CFAP70: variants seen among roughly 807,000 people sequenced by gnomAD.
CFAP70 encodes cilia- and flagella-associated protein 70.
A neutral mutation model predicts 137.6 loss-of-function variants in CFAP70; 81 were observed. That is an observed-to-expected ratio of 0.59 (90% CI 0.49 to 0.71). CFAP70 has a LOEUF of 0.71. CFAP70 is among the 30% of genes least tolerant of loss of function. The probability of loss-of-function intolerance (pLI) is 0.00; values close to 1 mark genes in which losing one functional copy is unlikely to be tolerated. For missense variants in CFAP70, 976 were observed against 1,226.7 expected (o/e 0.80, Z 3.05); for synonymous variants, 382 against 423.6 (o/e 0.90, Z 1.20).
At chr10:73,338,142 GAT>G in intron 6 of CFAP70, among the ~76,000 whole-genome samples, 1 of 139,764 alleles carries the variant, frequency 7.2e-6, no homozygotes, top group Non-Finnish European at 1.5e-5. Context: ...TATATATGCG[GAT>G]TTTTTTTTTT....
intron 25 of CFAP70, among the ~76,000 whole-genome samples, chr10:73,269,215 C>T (rs540124921): frequency 6.6e-6 from 1 of 152,072 alleles, no homozygotes; most frequent in Admixed American, 6.5e-5. Flanking sequence ...ATAGGTAAAG[C>T]ACCTATCATG....
intron 7 of CFAP70, 117 bp from the exon 9 acceptor site, chr10:73,331,393 T>C: frequency 1.1e-6 from 1 of 870,036 alleles, no homozygotes; most frequent in Non-Finnish European, 1.7e-6. Flanking sequence ...ATATAAAAAT[T>C]GGGGGGCTCG....
Position 73,272,342 on chromosome 10 carries a change from C to CAAATAAAT in CFAP70, c.2925+578_2925+585dup, listed in dbSNP as rs146457367. 7.3e-5 allele frequency among the ~76,000 whole-genome samples: 11 copies of CAAATAAAT among 151,622 alleles called. No homozygotes were observed. The East Asian group carries it at 1.6e-3, about 22-fold the overall frequency. Reference sequence around the variant, plus strand: ...TGGGAGACAGAGCGAGACTCCATCTCAAATAAATAAATAAATAAATAAATA... The same window carrying CAAATAAAT: ...TGGGAGACAGAGCGAGACTCCATCTCAAATAAATAAATAAATAAATAAATAAATAAATA... On this transcript the variant is annotated intron_variant, in intron 24 of 26. Transcript: ENST00000310715.
rs189044938 is a variant in CFAP70 at position 73,322,351 on chromosome 10, C to T, written c.912+612G>A. Reference sequence around the variant, plus strand: ...TTTATCAATATAGATAAATTATTTTCCCAGAATTGCATATAAATGTAATTA... The same window carrying T: ...TTTATCAATATAGATAAATTATTTTTCCAGAATTGCATATAAATGTAATTA... On this transcript the variant is annotated intron_variant, in intron 9 of 26. Coordinates refer to ENST00000310715, the Ensembl canonical transcript of CFAP70. 1.8e-3 allele frequency among the ~76,000 whole-genome samples: 278 copies of T among 152,112 alleles called. 2 individuals are homozygous for T. The highest frequency in any genetic ancestry group is 6.8e-3 in the Middle Eastern group (2 of 294).
intron 15 of CFAP70, chr10:73,293,644 A>G: frequency 3.2e-6 from 1 of 315,982 alleles, no homozygotes; most frequent in Non-Finnish European, 5.8e-6. Flanking sequence ...TGCTTAGGGC[A>G]GAAATAACTG....
chr10:73,347,199 T>A (rs1056353918), intron 4 of CFAP70, among the ~76,000 whole-genome samples: 8 of 152,144 alleles, frequency 5.3e-5, no homozygotes, highest in African/African-American at 1.9e-4. Context: ...GCCTCCATTA[T>A]AAAGGATGCT....
intron 8 of CFAP70, among the ~76,000 whole-genome samples, chr10:73,325,859 G>C (rs563811257): frequency 6.6e-6 from 1 of 152,212 alleles, no homozygotes; most frequent in South Asian, 2.1e-4. Flanking sequence ...GACCTACAAA[G>C]AGACTTAGAC....
At chr10:73,281,298 C>T (rs1005692831) in intron 19 of CFAP70, among the ~76,000 whole-genome samples, 9 of 151,788 alleles carry the variant, frequency 5.9e-5, no homozygotes, top group South Asian at 4.2e-4. Flanking sequence ...GATCCTCCCA[C>T]GTGAGCCTCC....
At chr10:73,353,209 T>C (rs2054413308) in intron 3 of CFAP70, among the ~76,000 whole-genome samples, 1 of 152,178 alleles carries the variant, frequency 6.6e-6, no homozygotes. Context: ...GGTCCATACT[T>C]TCTGAGAGTC....
At chr10:73,322,600 C>G (rs1172376634) in intron 9 of CFAP70, among the ~76,000 whole-genome samples, 1 of 145,798 alleles carries the variant, frequency 6.9e-6, no homozygotes, top group Non-Finnish European at 1.5e-5. Flanking sequence ...ACTCTCTTTT[C>G]TCTCTTTTGT....
intron 9 of CFAP70, among the ~76,000 whole-genome samples, chr10:73,315,057 T>A (rs546870881): frequency 1.7e-3 from 255 of 151,916 alleles, no homozygotes; most frequent in Non-Finnish European, 2.7e-3. Flanking sequence ...ACAAAAAAAA[T>A]TTTTTGTTTT....
At chr10:73,309,237 A>ATTC (rs1265968842) in intron 12 of CFAP70, among the ~76,000 whole-genome samples, 2 of 152,262 alleles carry the variant, frequency 1.3e-5, no homozygotes, top group Admixed American at 1.3e-4. Flanking sequence ...GAACAATTGT[A>ATTC]TGCGAACAAG....
chr10:73,348,070 C>T (rs2053871565), intron 4 of CFAP70, 86 bp downstream of exon 5: 1 of 1,214,310 alleles, frequency 8.2e-7, no homozygotes, highest in Admixed American at 1.8e-5. Flanking sequence ...CAATGCATTA[C>T]ACTCAACTGA....
intron 25 of CFAP70, among the ~76,000 whole-genome samples, chr10:73,258,500 C>T (rs371287139): frequency 1.3e-5 from 2 of 152,150 alleles, no homozygotes; most frequent in Admixed American, 6.5e-5. Flanking sequence ...GTTATCTGCA[C>T]AAATTGTTTG....
intron 9 of CFAP70, among the ~76,000 whole-genome samples, chr10:73,316,469 T>TAG (rs1176318100): frequency 3.4e-5 from 4 of 116,516 alleles, no homozygotes; most frequent in African/African-American, 1.4e-4. Flanking sequence ...TTGAGATATA[T>TAG]ATATATATAT....
chr10:73,308,283 G>A (rs1330510283), intron 12 of CFAP70, among the ~76,000 whole-genome samples: 1 of 152,124 alleles, frequency 6.6e-6, no homozygotes, highest in Non-Finnish European at 1.5e-5. Flanking sequence ...AGAACATTCT[G>A]CAGGGTATAC....
chr10:73,341,471 A>G (rs2053246472), exon 6 of CFAP70: 1 of 1,614,230 alleles, frequency 6.2e-7, no homozygotes, highest in Non-Finnish European at 8.5e-7. Context: ...GAATGTTATT[A>G]GCTCCTGGAG....
At chr10:73,305,242 G>C (rs1488180899) in intron 12 of CFAP70, among the ~76,000 whole-genome samples, 1 of 152,214 alleles carries the variant, frequency 6.6e-6, no homozygotes, top group East Asian at 1.9e-4. Flanking sequence ...GAAAAGTATT[G>C]TTCAAAAACA....
intron 19 of CFAP70, among the ~76,000 whole-genome samples, chr10:73,284,792 ATATATATATAT>A (rs2047552322): frequency 8.2e-5 from 6 of 72,808 alleles, no homozygotes; most frequent in African/African-American, 2.8e-4. Flanking sequence ...ATATATATAT[ATATATATATAT>A]AAAAGTTGTT....
Sources: allele counts gnomAD v4.1 joint callset (sites outside exome capture counted in the v4.1 genomes callset), GRCh38; gene constraint gnomAD v4.1.1; transcripts MANE v1.5; gene names NCBI Gene and HGNC (gene_info 2026-07-23, HGNC 2026-07-21).